The following LRP1B variants were observed in gnomAD, a reference collection of about 807,000 sequenced individuals.
LRP1B encodes low-density lipoprotein receptor-related protein 1B.
In LRP1B, 217 loss-of-function variants were observed where a neutral mutation model predicts 556.6. That is an observed-to-expected ratio of 0.39 (90% CI 0.35 to 0.44). LRP1B has a LOEUF of 0.44. Ranked by LOEUF, LRP1B falls within the 20% of genes least tolerant of loss-of-function variation. LRP1B has a pLI of 1.00. For synonymous variants in LRP1B, 2,047 were observed against 1,865.8 expected (o/e 1.10, Z -2.50); for missense variants, 5,053 against 5,620.8 (o/e 0.90, Z 3.23).
chr2:141,827,182 C>G (rs1696961220), intron 1 of LRP1B, among the ~76,000 whole-genome samples: 1 of 152,194 alleles, frequency 6.6e-6, no homozygotes, highest in African/African-American at 2.4e-5. Flanking sequence ...CAGAGCTGCC[C>G]TGAGGCAGCT....
intron 2 of LRP1B, among the ~76,000 whole-genome samples, chr2:141,527,566 C>G (rs1253060711): frequency 6.6e-6 from 1 of 152,012 alleles, no homozygotes. Context: ...CCATCAGATT[C>G]AATTTAGTAA....
chr2:140,989,509 T>G (rs1345176913), intron 17 of LRP1B, 23 bp downstream of exon 17: 2 of 1,611,868 alleles, frequency 1.2e-6, no homozygotes. Flanking sequence ...GAGATTTACG[T>G]GTATATCCAA....
intron 49 of LRP1B, among the ~76,000 whole-genome samples, chr2:140,522,148 C>T (rs1387344329): frequency 1.3e-5 from 2 of 151,956 alleles, no homozygotes; most frequent in Non-Finnish European, 2.9e-5. Context: ...CTCATCTGTA[C>T]ACAAAATATA....
At chr2:142,027,039 T>C (rs571008489) in intron 1 of LRP1B, among the ~76,000 whole-genome samples, 2 of 152,134 alleles carry the variant, frequency 1.3e-5, no homozygotes, top group East Asian at 3.9e-4. Flanking sequence ...AGAAAAGATT[T>C]TGTAATTCAA....
At position 140,378,779 on chromosome 2, in the gene LRP1B, G is replaced by C. The variant is rs188713543; in HGVS notation, c.10532-493C>G. Among the ~76,000 whole-genome samples the C allele has an allele frequency of 1.2e-4, 19 of 152,198 alleles. 1 individual carries two copies. The East Asian group carries it at 3.5e-3, about 28-fold the overall frequency. On this transcript the variant is annotated intron_variant, in intron 67 of 90. Coordinates refer to ENST00000389484, the MANE Select transcript of LRP1B (RefSeq NM_018557.3). ...TTCTAATTATTCAATTTTGTCCCCA[G>C]AAAATCTGGAGTTCCTGGAACAAGA...
intron 32 of LRP1B, among the ~76,000 whole-genome samples, chr2:140,801,544 G>A (rs868455262): frequency 4.0e-5 from 6 of 151,284 alleles, no homozygotes; most frequent in African/African-American, 9.7e-5. Flanking sequence ...ATCCCAGAGC[G>A]TTCATCTTAC....
At chr2:141,115,156 G>A (rs201632623) in intron 7 of LRP1B, among the ~76,000 whole-genome samples, 42 of 148,992 alleles carry the variant, frequency 2.8e-4, no homozygotes, top group South Asian at 2.1e-4. Flanking sequence ...TTTTCTGAAA[G>A]AAAAAAAAAA....
chr2:140,353,545 T>A (rs1428134211), intron 75 of LRP1B, among the ~76,000 whole-genome samples: 1 of 152,014 alleles, frequency 6.6e-6, no homozygotes, highest in Non-Finnish European at 1.5e-5. Flanking sequence ...CATGGGCTAT[T>A]CTTTCATCCC....
In LRP1B at chr2:141,734,587, T is replaced by C. The variant is rs538906921; in HGVS notation, c.205+75692A>G. On this transcript the variant is annotated intron_variant, in intron 2 of 90. Transcript: ENST00000389484. The stretch of plus-strand genomic sequence containing the variant: ...GCAATTATTTTTAATAAAATCATAA[T>C]TTTTTAAATGACATTAAGTTTTCTT... Among the ~76,000 whole-genome samples, 73 of 152,284 alleles carry C rather than the reference T, an allele frequency of 4.8e-4. No homozygotes were observed. In the East Asian group the frequency reaches 5.6e-3, roughly 12 times the overall value.
At chr2:140,301,780 TATAA>T (rs976217789) in intron 83 of LRP1B, among the ~76,000 whole-genome samples, 42 of 151,904 alleles carry the variant, frequency 2.8e-4, no homozygotes, top group African/African-American at 8.9e-4. Flanking sequence ...TTCTGTAGTT[TATAA>T]ATATTCTGTA....
chr2:140,986,077 T>C (rs1304014436), intron 17 of LRP1B, among the ~76,000 whole-genome samples: 1 of 150,736 alleles, frequency 6.6e-6, no homozygotes, highest in Non-Finnish European at 1.5e-5. Context: ...TTATACTTCA[T>C]ATAAATAGTA....
intron 2 of LRP1B, among the ~76,000 whole-genome samples, chr2:141,789,305 A>T (rs553530748): frequency 6.6e-6 from 1 of 152,080 alleles, no homozygotes; most frequent in African/African-American, 2.4e-5. Context: ...TTTTAGTATC[A>T]CTCTTAGTAC....
chr2:140,854,758 A>G (rs1164091250), intron 27 of LRP1B, among the ~76,000 whole-genome samples: 1 of 152,182 alleles, frequency 6.6e-6, no homozygotes, highest in Non-Finnish European at 1.5e-5. Flanking sequence ...AACAGCTTCA[A>G]TAAAAACCAC....
intron 1 of LRP1B, among the ~76,000 whole-genome samples, chr2:142,040,810 ATTT>A (rs539174712): frequency 6.7e-6 from 1 of 148,716 alleles, no homozygotes; most frequent in Admixed American, 6.7e-5. Flanking sequence ...AGGTAAACCT[ATTT>A]TTTTTTTCTT....
At chr2:141,980,588 G>A (rs1175623576) in intron 1 of LRP1B, among the ~76,000 whole-genome samples, 2 of 152,012 alleles carry the variant, frequency 1.3e-5, no homozygotes, top group South Asian at 4.1e-4. Context: ...AAGCAAATGG[G>A]AATTATGAAA....
At chr2:141,188,341 A>G (rs1681352586) in intron 7 of LRP1B, 80 bp downstream of exon 7, 1 of 1,379,580 alleles carries the variant, frequency 7.2e-7, no homozygotes, top group Admixed American at 2.2e-5. Context: ...CTTATTTTCC[A>G]CAACAACACT....
intron 1 of LRP1B, among the ~76,000 whole-genome samples, chr2:141,887,255 C>G (rs773305472): frequency 6.6e-6 from 1 of 152,294 alleles, no homozygotes; most frequent in South Asian, 2.1e-4. Flanking sequence ...CTTGGGCTCC[C>G]GAAGTGCTGG....
intron 3 of LRP1B, among the ~76,000 whole-genome samples, chr2:141,285,461 T>A (rs1216129298): frequency 6.9e-6 from 1 of 145,050 alleles, no homozygotes; most frequent in South Asian, 2.2e-4. Context: ...TTTTCTTTTT[T>A]TTTTTTTTTT....
intron 43 of LRP1B, among the ~76,000 whole-genome samples, chr2:140,576,162 C>T (rs145668552): frequency 4.7e-4 from 71 of 152,170 alleles, no homozygotes; most frequent in African/African-American, 1.3e-3. Context: ...AATTTAAAAG[C>T]CACTACCCAT....
Sources: allele counts gnomAD v4.1 joint callset (sites outside exome capture counted in the v4.1 genomes callset), GRCh38; gene constraint gnomAD v4.1.1; transcripts MANE v1.5; gene names NCBI Gene and HGNC (gene_info 2026-07-23, HGNC 2026-07-21).